LSAMP: variants seen among roughly 807,000 people sequenced by gnomAD.
LSAMP encodes the protein limbic system associated membrane protein, also known as limbic system-associated membrane protein.
In LSAMP, 7 loss-of-function variants were observed where a neutral mutation model predicts 38.6. The ratio of observed to expected loss-of-function variants is 0.18; its 90% CI spans 0.10 to 0.34. The LOEUF (loss-of-function observed/expected upper bound fraction) is 0.34, where lower values mean the gene tolerates loss of function less well. LSAMP is among the 10% of genes least tolerant of loss of function. LSAMP has a pLI of 1.00. For missense variants in LSAMP, 313 were observed against 420.0 expected, an observed-to-expected ratio of 0.75 and a Z score of 2.23; for synonymous variants, 154 against 166.8, an observed-to-expected ratio of 0.92 and a Z score of 0.59.
chr3:116,255,492 T>G (rs2046738448), intron 1 of LSAMP, among the ~76,000 whole-genome samples: 1 of 152,204 alleles, frequency 6.6e-6, no homozygotes, highest in South Asian at 2.1e-4. Context: ...TTGAAACATG[T>G]GTATTTATAG....
At chr3:115,949,016 C>T (rs1042432748) in intron 3 of LSAMP, among the ~76,000 whole-genome samples, 3 of 152,058 alleles carry the variant, frequency 2.0e-5, no homozygotes, top group Admixed American at 2.0e-4. Flanking sequence ...GCCTGTAATC[C>T]CAGCACTTTG....
intron 1 of LSAMP, among the ~76,000 whole-genome samples, chr3:116,108,372 G>A (rs374244511): frequency 6.4e-4 from 97 of 152,214 alleles, no homozygotes; most frequent in Non-Finnish European, 1.2e-3. Flanking sequence ...CAGTTGGGGA[G>A]TTTTAAGAGG....
At chr3:116,168,701 T>A (rs2107549698) in intron 1 of LSAMP, among the ~76,000 whole-genome samples, 1 of 152,274 alleles carries the variant, frequency 6.6e-6, no homozygotes, top group African/African-American at 2.4e-5. Context: ...GACCCGAACA[T>A]CTTCCCCACT....
chr3:116,366,216 C>G (rs1380283438), intron 1 of LSAMP, among the ~76,000 whole-genome samples: 2 of 151,536 alleles, frequency 1.3e-5, no homozygotes, highest in Non-Finnish European at 2.9e-5. Flanking sequence ...ATAACATAAA[C>G]AGACACTTCT....
At chr3:115,839,304 TCC>T (rs1934917223) in intron 6 of LSAMP, among the ~76,000 whole-genome samples, 1 of 140,306 alleles carries the variant, frequency 7.1e-6, no homozygotes, top group African/African-American at 2.5e-5. Context: ...CTTCCTTCCT[TCC>T]TTCCTTCCTT....
chr3:116,045,670 G>A (rs1302578302), intron 2 of LSAMP, among the ~76,000 whole-genome samples: 2 of 151,856 alleles, frequency 1.3e-5, no homozygotes, highest in Non-Finnish European at 1.5e-5. Flanking sequence ...TAAGTTGGAT[G>A]TTACTTAGGT....
intron 3 of LSAMP, among the ~76,000 whole-genome samples, chr3:116,016,731 C>G (rs1346047029): frequency 2.0e-5 from 3 of 152,102 alleles, no homozygotes; most frequent in African/African-American, 7.2e-5. Flanking sequence ...TGCAGTAAAA[C>G]TTTATGTGTG....
At chr3:116,249,587 T>C (rs2046652681) in intron 1 of LSAMP, among the ~76,000 whole-genome samples, 1 of 151,878 alleles carries the variant, frequency 6.6e-6, no homozygotes, top group African/African-American at 2.4e-5. Flanking sequence ...GGTTTCACCA[T>C]GTTGGTCAGG....
intron 1 of LSAMP, among the ~76,000 whole-genome samples, chr3:116,351,422 A>G (rs1306230103): frequency 6.6e-6 from 1 of 152,088 alleles, no homozygotes; most frequent in Non-Finnish European, 1.5e-5. Context: ...GGAACCTGAC[A>G]GGGGAATGGC....
intron 1 of LSAMP, among the ~76,000 whole-genome samples, chr3:116,394,424 A>G (rs41457247): frequency 0.11 from 17,135 of 152,228 alleles, 1,368 homozygotes; most frequent in African/African-American, 0.23. Context: ...GACCGAGGCC[A>G]ATGAAGAATT....
chr3:115,911,096 G>A (rs988328756), intron 3 of LSAMP, among the ~76,000 whole-genome samples: 2 of 152,096 alleles, frequency 1.3e-5, no homozygotes, highest in Non-Finnish European at 2.9e-5. Context: ...ATGTACAAAT[G>A]TCATGCATCA....
chr3:115,867,868 T>C (rs1283936103), intron 3 of LSAMP, among the ~76,000 whole-genome samples: 1 of 152,142 alleles, frequency 6.6e-6, no homozygotes, highest in Non-Finnish European at 1.5e-5. Context: ...TCTACATATC[T>C]GAGAGTAAGT....
intron 1 of LSAMP, among the ~76,000 whole-genome samples, chr3:116,248,491 G>GTT (rs1231356730): frequency 2.1e-5 from 3 of 140,036 alleles, no homozygotes; most frequent in African/African-American, 8.2e-5. Context: ...GTGTGTGTGT[G>GTT]TGTGTGTGTG....
At chr3:115,885,979 A>T (rs1282227054) in intron 3 of LSAMP, among the ~76,000 whole-genome samples, 1 of 151,980 alleles carries the variant, frequency 6.6e-6, no homozygotes, top group Admixed American at 6.6e-5. Flanking sequence ...TTAATGGTTA[A>T]TTGGTTTCTT....
chr3:116,106,179 C>T (rs990438591), intron 1 of LSAMP, among the ~76,000 whole-genome samples: 1 of 152,112 alleles, frequency 6.6e-6, no homozygotes, highest in Non-Finnish European at 1.5e-5. Flanking sequence ...ATAGTCCTGC[C>T]AGCAAAGATT....
intron 1 of LSAMP, among the ~76,000 whole-genome samples, chr3:116,298,084 T>TATCA (rs1576491064): frequency 6.6e-6 from 1 of 152,326 alleles, no homozygotes; most frequent in East Asian, 1.9e-4. Flanking sequence ...TGTTTCTCTT[T>TATCA]ATCATTCATC....
intron 1 of LSAMP, among the ~76,000 whole-genome samples, chr3:116,177,748 G>C (rs540798942): frequency 2.0e-5 from 3 of 152,092 alleles, no homozygotes; most frequent in African/African-American, 7.2e-5. Context: ...TGAGATTGCC[G>C]TCAAACTCAG....
chr3:115,938,248 T>A (rs1006422861), intron 3 of LSAMP, among the ~76,000 whole-genome samples: 5 of 152,200 alleles, frequency 3.3e-5, no homozygotes, highest in Admixed American at 6.6e-5. Context: ...AGCAGACCCA[T>A]ACTTGCCAAA....
intron 1 of LSAMP, among the ~76,000 whole-genome samples, chr3:116,348,541 C>A (rs1391806232): frequency 1.3e-5 from 2 of 152,034 alleles, no homozygotes; most frequent in African/African-American, 2.4e-5. Flanking sequence ...ATCCCTGTAA[C>A]CTTAATAGTA....
Sources: allele counts gnomAD v4.1 joint callset (sites outside exome capture counted in the v4.1 genomes callset), GRCh38; gene constraint gnomAD v4.1.1; transcripts MANE v1.5; gene names NCBI Gene and HGNC (gene_info 2026-07-23, HGNC 2026-07-21).